Variants in NTM observed in about 807,000 individuals in gnomAD.
The protein encoded by NTM is IgLON family member 2.
A neutral mutation model predicts 42.1 loss-of-function variants in NTM; 13 were observed. The ratio of observed to expected loss-of-function variants is 0.31; its 90% CI spans 0.20 to 0.49. The LOEUF is 0.49. NTM is among the 20% of genes least tolerant of loss of function. The pLI, the probability that NTM is intolerant of heterozygous loss-of-function variation, is 0.99. For missense variants in NTM, 373 were observed against 452.8 expected (o/e 0.82, Z 1.60); for synonymous variants, 187 against 179.2 (o/e 1.04, Z -0.35).
chr11:131,599,927 G>T (rs1057124107), intron 1 of NTM, among the ~76,000 whole-genome samples: 1 of 152,198 alleles, frequency 6.6e-6, no homozygotes, highest in African/African-American at 2.4e-5. Flanking sequence ...ACTCCCTTCT[G>T]GAGTAAGGAC....
chr11:132,086,394 A>C (rs918381416), intron 2 of NTM, among the ~76,000 whole-genome samples: 2 of 152,048 alleles, frequency 1.3e-5, no homozygotes, highest in Admixed American at 1.3e-4. Flanking sequence ...GGAAAAAAAA[A>C]CTTTTCTCCA....
chr11:132,287,725 T>C (rs1004878567), intron 4 of NTM, among the ~76,000 whole-genome samples: 6 of 152,174 alleles, frequency 3.9e-5, no homozygotes, highest in African/African-American at 1.4e-4. Context: ...AGGATTCTGA[T>C]AGAGAAAGAA....
At chr11:131,777,274 A>T (rs145038193) in intron 1 of NTM, among the ~76,000 whole-genome samples, 72 of 152,176 alleles carry the variant, frequency 4.7e-4, no homozygotes, top group Non-Finnish European at 9.4e-4. Context: ...AAGCACATAC[A>T]TTCACACGCA....
chr11:131,891,627 G>A lies in NTM; in HGVS notation c.83-19937G>A, dbSNP rs530500427. On this transcript the variant is annotated intron_variant, in intron 1 of 8. Transcript: ENST00000683400. Reference sequence around the variant, plus strand: ...TCTGCCCACTCCACCAGTGGCCACTGGAAAGCACCCCACAGGGCTCTCTGC... The same window carrying A: ...TCTGCCCACTCCACCAGTGGCCACTAGAAAGCACCCCACAGGGCTCTCTGC... Among the ~76,000 whole-genome samples the A allele has an allele frequency of 7.2e-5, 11 of 152,240 alleles. 1 individual carries two copies. The South Asian group carries it at 1.7e-3, about 23-fold the overall frequency.
In NTM at chr11:132,146,401, C is replaced by T. The variant is rs758413842; in HGVS notation, c.287C>T (p.Thr96Met). 3.6e-5 allele frequency: 58 copies of T among 1,614,202 alleles called. No individual in the cohort carries two copies. The highest frequency in any genetic ancestry group is 4.4e-5 in the Non-Finnish European group (52 of 1,180,034). Residue 96 changes from threonine (T) to methionine (M), a missense_variant, in exon 3 of 9, where the codon ACG becomes ATG. Transcript: ENST00000683400. This position sits in a 1 kb window ranked among gnomAD's most constrained non-coding sequence, Gnocchi z 4.5. The stretch of plus-strand genomic sequence containing the variant: ...GTGGTCCTTCTGAGCAACACCCAAA[C>T]GCAGTACAGCATCGAGATCCAGAAC... ...PRVVLLSNTQ[T>M]QYSIEIQNVD...
chr11:132,269,879 T>C (rs911460435), intron 4 of NTM, among the ~76,000 whole-genome samples: 2 of 152,246 alleles, frequency 1.3e-5, no homozygotes, highest in African/African-American at 4.8e-5. Flanking sequence ...AACTCAACTT[T>C]ACTGGGCTAT....
intron 2 of NTM, among the ~76,000 whole-genome samples, chr11:131,993,866 GGTGGTGTGT>G (rs1467664697): frequency 6.6e-6 from 1 of 151,786 alleles, no homozygotes; most frequent in Non-Finnish European, 1.5e-5. Context: ...AGCTGGGTGC[GGTGGTGTGT>G]GCCTGTAATC....
chr11:132,208,962 G>A (rs2082408233), intron 3 of NTM, among the ~76,000 whole-genome samples: 1 of 152,170 alleles, frequency 6.6e-6, no homozygotes, highest in Non-Finnish European at 1.5e-5. Context: ...TGTCCTCCAG[G>A]AAGCAAGCAA....
At chr11:131,542,799 G>T (rs2053452740) in intron 1 of NTM, among the ~76,000 whole-genome samples, 1 of 152,288 alleles carries the variant, frequency 6.6e-6, no homozygotes, top group East Asian at 1.9e-4. Context: ...AAGAGCCTCT[G>T]GGTGAGGAGG....
chr11:131,464,013 T>C (rs961671048), intron 1 of NTM, among the ~76,000 whole-genome samples: 1 of 152,192 alleles, frequency 6.6e-6, no homozygotes, highest in Non-Finnish European at 1.5e-5. Flanking sequence ...TTAAACCCTG[T>C]TTATGTGGTG....
At chr11:131,670,123 T>C (rs1436120545) in intron 1 of NTM, among the ~76,000 whole-genome samples, 1 of 152,208 alleles carries the variant, frequency 6.6e-6, no homozygotes, top group Non-Finnish European at 1.5e-5. Flanking sequence ...ATTTGTAGGC[T>C]ATTAAAATGA....
intron 1 of NTM, among the ~76,000 whole-genome samples, chr11:131,491,622 T>C (rs1443427000): frequency 1.3e-5 from 2 of 152,258 alleles, no homozygotes; most frequent in South Asian, 2.1e-4. Flanking sequence ...TATTAACTAA[T>C]AAAGTACTGG....
intron 2 of NTM, among the ~76,000 whole-genome samples, chr11:132,131,385 T>C (rs2066790827): frequency 2.0e-5 from 3 of 152,122 alleles, no homozygotes; most frequent in South Asian, 2.1e-4. Context: ...CTAGGTACCA[T>C]GGAAGGCACA....
At chr11:132,313,938 G>A (rs1387255373) in intron 6 of NTM, among the ~76,000 whole-genome samples, 1 of 151,998 alleles carries the variant, frequency 6.6e-6, no homozygotes, top group African/African-American at 2.4e-5. Context: ...TAACAGTCTG[G>A]GCAGATCACT....
At chr11:131,528,224 G>T (rs906323993) in intron 1 of NTM, among the ~76,000 whole-genome samples, 1 of 152,090 alleles carries the variant, frequency 6.6e-6, no homozygotes, top group Non-Finnish European at 1.5e-5. Context: ...AGACATCTTG[G>T]TCTGGGAATA....
chr11:131,402,636 G>C (rs1411200667), intron 1 of NTM, among the ~76,000 whole-genome samples: 3 of 152,120 alleles, frequency 2.0e-5, no homozygotes, highest in Non-Finnish European at 4.4e-5. Flanking sequence ...AAGATATACA[G>C]AGACTACCAA....
intron 1 of NTM, among the ~76,000 whole-genome samples, chr11:131,424,804 C>T (rs1230698786): frequency 1.4e-5 from 2 of 147,468 alleles, no homozygotes; most frequent in South Asian, 2.2e-4. Flanking sequence ...CTTCTGACCT[C>T]GTGATCTGCC....
intron 2 of NTM, among the ~76,000 whole-genome samples, chr11:131,998,727 C>T (rs1341428599): frequency 6.6e-6 from 1 of 152,146 alleles, no homozygotes; most frequent in Non-Finnish European, 1.5e-5. Context: ...GGCCTTCTTG[C>T]CTTACCTTCT....
In NTM at chr11:131,687,452, G is replaced by A. The variant is rs574095932; in HGVS notation, c.83-224112G>A. ...TGTGGCCTGGGCCTTCCAGGGTCCC[G>A]GCAGAGCCCTCTGCTCCTCAGACCA... On this transcript the variant is annotated intron_variant, in intron 1 of 8. Coordinates refer to ENST00000683400, the MANE Select transcript of NTM (RefSeq NM_001352005.2). Among the ~76,000 whole-genome samples the A allele has an allele frequency of 5.2e-4, 79 of 152,292 alleles. 1 individual carries two copies. The South Asian group carries it at 0.015, about 29-fold the overall frequency.
Sources: gnomAD v4.1 joint callset for allele counts (sites outside exome capture counted in the v4.1 genomes callset) on GRCh38, gnomAD v4.1.1 for gene constraint, Gnocchi (gnomAD v3.1) non-coding constraint, MANE v1.5 for transcripts, NCBI Gene and HGNC (gene_info 2026-07-23, HGNC 2026-07-21) for gene names.